The following GSR variants were observed in gnomAD, a reference collection of about 807,000 sequenced individuals.
GSR encodes the protein glutathione-disulfide reductase.
A neutral mutation model predicts 56.5 loss-of-function variants in GSR; 48 were observed. The observed-to-expected ratio is 0.85, with a 90% CI of 0.67 to 1.08. GSR has a LOEUF of 1.08. GSR is among the 50% of genes least tolerant of loss of function. The probability of loss-of-function intolerance (pLI) is 0.00; values close to 1 mark genes in which losing one functional copy is unlikely to be tolerated. For synonymous variants in GSR, 264 were observed against 270.8 expected, an observed-to-expected ratio of 0.97 and a Z score of 0.25; for missense variants, 694 against 703.3, an observed-to-expected ratio of 0.99 and a Z score of 0.15.
At chr8:30,711,105 C>T (rs1306481036) in intron 2 of GSR, among the ~76,000 whole-genome samples, 1 of 152,070 alleles carries the variant, frequency 6.6e-6, no homozygotes, top group East Asian at 1.9e-4. Flanking sequence ...AGAAAAACAC[C>T]TTACCTATAC....
At chr8:30,694,403 G>A (rs1803481591) in intron 7 of GSR, among the ~76,000 whole-genome samples, 1 of 152,146 alleles carries the variant, frequency 6.6e-6, no homozygotes, top group South Asian at 2.1e-4. Flanking sequence ...TTGACCTCCT[G>A]GATTCAAGTG....
chr8:30,720,653 T>G (rs1476576836), intron 1 of GSR, among the ~76,000 whole-genome samples: 2 of 121,350 alleles, frequency 1.6e-5, no homozygotes, highest in African/African-American at 5.2e-5. Flanking sequence ...CAGGGAGGCA[T>G]CAAACTTGAG....
chr8:30,718,714 T>C (rs562001563), intron 1 of GSR, among the ~76,000 whole-genome samples: 1 of 152,114 alleles, frequency 6.6e-6, no homozygotes, highest in Non-Finnish European at 1.5e-5. Context: ...GATTCCCCGG[T>C]TCTCCAGGTG....
chr8:30,699,179 TA>T (rs1364232539), intron 6 of GSR, among the ~76,000 whole-genome samples: 1 of 151,918 alleles, frequency 6.6e-6, no homozygotes, highest in Non-Finnish European at 1.5e-5. Context: ...TAGTCCCAGC[TA>T]CTCGGGAGGC....
chr8:30,713,684 G>C (rs1804233545), intron 1 of GSR, among the ~76,000 whole-genome samples: 1 of 152,102 alleles, frequency 6.6e-6, no homozygotes, highest in Non-Finnish European at 1.5e-5. Context: ...TAAAAGTAAA[G>C]ATAAAAGATA....
intron 10 of GSR, among the ~76,000 whole-genome samples, chr8:30,682,476 A>G (rs141391365): frequency 3.4e-4 from 52 of 152,378 alleles, no homozygotes; most frequent in South Asian, 1.4e-3. Flanking sequence ...TATAAGGTGT[A>G]TGTAAAACAA....
At chr8:30,703,380 G>A in intron 4 of GSR, 140 bp from the exon 5 acceptor site, 2 of 855,066 alleles carry the variant, frequency 2.3e-6, no homozygotes, top group Non-Finnish European at 3.8e-6. Context: ...CGTTTTTCAA[G>A]TTTCTGTAGA....
chr8:30,709,670 A>G, intron 3 of GSR, 144 bp downstream of exon 3: 1 of 696,106 alleles, frequency 1.4e-6, no homozygotes, highest in Non-Finnish European at 2.6e-6. Flanking sequence ...ACTCAATTGT[A>G]TACTTAAAAA....
chr8:30,702,944 A>G, intron 5 of GSR, 149 bp downstream of exon 5: 1 of 812,220 alleles, frequency 1.2e-6, no homozygotes, highest in Non-Finnish European at 2.1e-6. Flanking sequence ...CCACTAAGCC[A>G]ACTGGAGTTA....
rs981908877 is a variant in GSR, at chr8:30,696,586, C to T, written c.696-107G>A. Reference sequence around the variant, plus strand: ...AGTACAGAGATTTCCCTTATTATACCCCTTGATCAGTTTTCCCTAAAGTTA... The same window carrying T: ...AGTACAGAGATTTCCCTTATTATACTCCTTGATCAGTTTTCCCTAAAGTTA... On this transcript the variant is annotated intron_variant, in intron 6 of 12. Coordinates refer to ENST00000221130, the MANE Select transcript of GSR (RefSeq NM_000637.5). 7.8e-6 allele frequency: 6 copies of T among 767,804 alleles called. No individual in the cohort carries two copies. In the African/African-American group the frequency reaches 1.0e-4, roughly 13 times the overall value. The allele number at this position is 767,804 out of a possible 1,614,324, so 47.6% of individuals were successfully genotyped here. A position where few individuals can be genotyped will look rare whatever the true frequency, so the allele number is the denominator to read the frequency against.
intron 1 of GSR, among the ~76,000 whole-genome samples, chr8:30,723,371 A>C (rs1284567953): frequency 6.6e-6 from 1 of 152,176 alleles, no homozygotes; most frequent in Non-Finnish European, 1.5e-5. Context: ...ATCTACCTGC[A>C]GAACCAGCTA....
chr8:30,719,104 A>ATTT, intron 1 of GSR, among the ~76,000 whole-genome samples: 1 of 73,666 alleles, frequency 1.4e-5, no homozygotes, highest in Non-Finnish European at 2.7e-5. Flanking sequence ...TAATTTTTAA[A>ATTT]TTTTTTTTTT....
chr8:30,693,534 T>TGC, intron 7 of GSR, among the ~76,000 whole-genome samples: 1 of 140,452 alleles, frequency 7.1e-6, no homozygotes, highest in African/African-American at 2.8e-5. Flanking sequence ...AGTTCTTTTA[T>TGC]TTTTATTTTT....
rs1014997199 is a variant in GSR, at chr8:30,709,718, G to GC, written c.422+95dup. 3.9e-4 allele frequency: 294 copies of GC among 746,878 alleles called. 1 individual carries two copies. Among genetic ancestry groups the GC allele is most frequent in the Admixed American group, 2.0e-3 (101 of 51,118 alleles). 46.3% of individuals were successfully genotyped at this position (746,878 alleles called of 1,614,324 possible). ...AAATCTCGTATTGTGAATATTTACC[G>GC]CAATTCCTCCTCCATCCCTAAAAAA... On this transcript the variant is annotated intron_variant, in intron 3 of 12. Transcript: ENST00000221130.
intron 1 of GSR, among the ~76,000 whole-genome samples, chr8:30,727,165 A>G (rs1287007551): frequency 6.6e-6 from 1 of 152,242 alleles, no homozygotes; most frequent in Admixed American, 6.5e-5. Flanking sequence ...CCCTACACAC[A>G]GGCCACCAGC....
intron 12 of GSR, 106 bp downstream of exon 12, chr8:30,680,798 A>G: frequency 4.0e-6 from 4 of 992,064 alleles, no homozygotes; most frequent in South Asian, 3.8e-5. Context: ...GTCCAGTTGA[A>G]TCAGAAGGCT....
At chr8:30,700,722 CCAAAAAAA>C (rs1266271155) in intron 5 of GSR, among the ~76,000 whole-genome samples, 38 of 8,428 alleles carry the variant, frequency 4.5e-3, no homozygotes, top group Admixed American at 9.7e-3. Flanking sequence ...GATTTTGTCT[CCAAAAAAA>C]AAAAAAAAAA....
intron 1 of GSR, among the ~76,000 whole-genome samples, chr8:30,717,483 G>A (rs955496195): frequency 2.0e-5 from 3 of 152,022 alleles, no homozygotes; most frequent in African/African-American, 7.2e-5. Flanking sequence ...AGTGAGCGAA[G>A]CTTCATATGT....
intron 12 of GSR, 59 bp from the exon 13 acceptor site, chr8:30,679,728 G>A (rs568262462): frequency 1.6e-5 from 23 of 1,454,776 alleles, no homozygotes; most frequent in South Asian, 9.3e-5. Flanking sequence ...TTTTTGAGAC[G>A]GAGTTTCACT....
Sources: gnomAD v4.1 joint callset for allele counts (sites outside exome capture counted in the v4.1 genomes callset) on GRCh38, gnomAD v4.1.1 for gene constraint, MANE v1.5 for transcripts, NCBI Gene and HGNC (gene_info 2026-07-23, HGNC 2026-07-21) for gene names.